SLC35E4: variants seen among roughly 807,000 people sequenced by gnomAD.
The protein encoded by SLC35E4 is solute carrier family 35, member E4.
A neutral mutation model predicts 19.3 loss-of-function variants in SLC35E4; 15 were observed. That is an observed-to-expected ratio of 0.78 (90% CI 0.52 to 1.20). The LOEUF is 1.20. Ranked by LOEUF, SLC35E4 falls within the 50% of genes most tolerant of loss-of-function variation. SLC35E4 has a pLI of 0.00. For synonymous variants in SLC35E4, 219 were observed against 219.9 expected (o/e 1.00, Z 0.04); for missense variants, 406 against 472.3 (o/e 0.86, Z 1.30).
At chr22:30,663,445 G>A, downstream of SLC35E4, 1 of 1,608,806 alleles carries the variant, frequency 6.2e-7, no homozygotes, top group Non-Finnish European at 8.5e-7. Flanking sequence ...GCTCACAGTG[G>A]AATCATCAAA....
intron 1 of SLC35E4, among the ~76,000 whole-genome samples, chr22:30,642,138 AG>A (rs1569057924): frequency 1.3e-5 from 2 of 151,722 alleles, no homozygotes; most frequent in African/African-American, 4.8e-5. Context: ...CAGCCTCCCG[AG>A]TAGCTAGGAC....
At chr22:30,666,955 T>TA (rs764423404), downstream of SLC35E4, 17 of 152,024 alleles carry the variant, frequency 1.1e-4, no homozygotes, top group African/African-American at 1.9e-4. Flanking sequence ...AAGGGAAGTG[T>TA]AAAAAAGATT....
intron 2 of SLC35E4, chr22:30,654,507 G>A: frequency 2.3e-6 from 1 of 427,584 alleles, no homozygotes. Flanking sequence ...AACACCTTGA[G>A]GCGGTCTTGG....
intron 2 of SLC35E4, among the ~76,000 whole-genome samples, chr22:30,657,952 A>AATG (rs202224699): frequency 6.1e-5 from 8 of 130,828 alleles, no homozygotes; most frequent in African/African-American, 1.7e-4. Flanking sequence ...TAATAATAAT[A>AATG]ATGATTAGCT....
chr22:30,656,619 A>C (rs1373362226), intron 2 of SLC35E4, among the ~76,000 whole-genome samples: 3 of 152,282 alleles, frequency 2.0e-5, no homozygotes, highest in Admixed American at 1.3e-4. Flanking sequence ...CTACTATAGG[A>C]CTGCATTCAA....
Position 30,636,457 on chromosome 22 carries a change from C to T in SLC35E4, c.7C>T (p.Arg3Cys), listed in dbSNP as rs1214429204. The part of the protein sequence containing the change: MC[R>C]CPPEHHDGRM... ...CCTAGCCTCACTGGTGCGGATGTGC[C>T]GCTGCCCGCCGGAGCACCATGATGG... The change falls in exon 1 of 2, where the codon CGC becomes TGC. Residue 3 changes from arginine (R) to cysteine (C), a missense_variant. Transcript: ENST00000343605. The T allele has an allele frequency of 2.4e-5, 35 of 1,486,166 alleles. No individual in the cohort carries two copies. The highest frequency in any genetic ancestry group is 3.0e-5 in the Non-Finnish European group (33 of 1,111,312). 92.1% of individuals were successfully genotyped at this position (1,486,166 alleles called of 1,614,324 possible).
chr22:30,647,277 A>G lies in SLC35E4; in HGVS notation c.*246A>G. On this transcript the variant is annotated 3_prime_UTR_variant, in exon 2 of 2. Transcript: ENST00000343605. Reference sequence around the variant, plus strand: ...GCTGGGCATGGTGGCGCGTGCCTATAGTCCCAGCTACATGGGAGGCTAAGG... The same window carrying G: ...GCTGGGCATGGTGGCGCGTGCCTATGGTCCCAGCTACATGGGAGGCTAAGG... The G allele has an allele frequency of 3.9e-6, 2 of 512,918 alleles. No individual in the cohort carries two copies. The highest frequency in any genetic ancestry group is 6.9e-6 in the Non-Finnish European group (2 of 290,490). 31.8% of individuals were successfully genotyped at this position (512,918 alleles called of 1,614,324 possible).
At chr22:30,651,416 TATATATATATA>T (rs1359462527), downstream of SLC35E4, among the ~76,000 whole-genome samples, 17 of 80,414 alleles carry the variant, frequency 2.1e-4, no homozygotes, top group African/African-American at 3.5e-4. Flanking sequence ...TATATATATA[TATATATATATA>T]TTTTTTTTTT....
intron 2 of SLC35E4, among the ~76,000 whole-genome samples, chr22:30,657,480 C>G (rs1019457089): frequency 2.1e-5 from 3 of 143,384 alleles, no homozygotes; most frequent in Admixed American, 2.1e-4. Flanking sequence ...AAATTCTGGC[C>G]GGGTGTAGTG....
At chr22:30,645,140 T>G (rs1269899224) in intron 1 of SLC35E4, among the ~76,000 whole-genome samples, 35 of 152,236 alleles carry the variant, frequency 2.3e-4, no homozygotes, top group Non-Finnish European at 7.3e-5. Flanking sequence ...TAAACTCTTC[T>G]TTTTTAATGC....
downstream of SLC35E4, chr22:30,665,452 C>G (rs1409079956): frequency 4.3e-6 from 2 of 461,546 alleles, no homozygotes; most frequent in South Asian, 3.2e-5. Flanking sequence ...TGGCCTTTGC[C>G]CCTGCTGATC....
At chr22:30,667,924 C>G (rs2088741998), downstream of SLC35E4, 1 of 152,484 alleles carries the variant, frequency 6.6e-6, no homozygotes, top group South Asian at 2.1e-4. Flanking sequence ...TTATGCGTCT[C>G]CCAGGCAACG....
intron 2 of SLC35E4, among the ~76,000 whole-genome samples, chr22:30,652,988 GT>G (rs2145589622): frequency 6.6e-6 from 1 of 152,342 alleles, no homozygotes; most frequent in African/African-American, 2.4e-5. Context: ...GATTGAGGAC[GT>G]GAGGACATAA....
At chr22:30,657,323 G>A (rs1396414337) in intron 2 of SLC35E4, among the ~76,000 whole-genome samples, 1 of 151,614 alleles carries the variant, frequency 6.6e-6, no homozygotes, top group Non-Finnish European at 1.5e-5. Context: ...GCCGGGCGTG[G>A]GGGCGGGCAC....
intron 1 of SLC35E4, among the ~76,000 whole-genome samples, chr22:30,640,114 G>A (rs564237675): frequency 1.3e-5 from 2 of 152,118 alleles, no homozygotes; most frequent in Non-Finnish European, 2.9e-5. Flanking sequence ...TGGTCCCTCC[G>A]TTTGGGGTCC....
chr22:30,657,141 G>A (rs189997231), intron 2 of SLC35E4, among the ~76,000 whole-genome samples: 18 of 152,094 alleles, frequency 1.2e-4, no homozygotes, highest in Admixed American at 9.8e-4. Flanking sequence ...AAGCATGTAA[G>A]ATAAATTTCT....
chr22:30,642,447 C>A (rs1197458239), intron 1 of SLC35E4, among the ~76,000 whole-genome samples: 3 of 151,990 alleles, frequency 2.0e-5, no homozygotes, highest in African/African-American at 7.2e-5. Flanking sequence ...GGCAAGTATC[C>A]AGAAAGAAGG....
intron 2 of SLC35E4, among the ~76,000 whole-genome samples, chr22:30,656,993 G>A (rs2145596544): frequency 6.6e-6 from 1 of 152,052 alleles, no homozygotes; most frequent in South Asian, 2.1e-4. Flanking sequence ...AAAAAAGGAG[G>A]AATGAAAATT....
In SLC35E4 at chr22:30,636,595, G is replaced by A. The variant is rs2087951668; in HGVS notation, c.145G>A (p.Val49Met). ...QALRQPGRAR[V>M]AMAALVWLLA... is the part of the protein sequence containing the mutation. ...CCTCCGGCAGCCTGGCCGGGCCCGA[G>A]TGGCCATGGCAGCACTGGTGTGGCT... The change falls in exon 1 of 2, where the codon GTG (valine) becomes ATG (methionine). Residue 49 changes from valine (V) to methionine (M), a missense_variant. Transcript: ENST00000343605. 6.2e-7 allele frequency: 1 copy of A among 1,606,202 alleles called. No homozygotes were observed.
Sources: gnomAD v4.1 joint callset for allele counts (sites outside exome capture counted in the v4.1 genomes callset) on GRCh38, gnomAD v4.1.1 for gene constraint, MANE v1.5 for transcripts, NCBI Gene and HGNC (gene_info 2026-07-23, HGNC 2026-07-21) for gene names.